GPHN: variants seen among roughly 807,000 people sequenced by gnomAD.
The protein encoded by GPHN is gephyrin.
In GPHN, 17 loss-of-function variants were observed where a neutral mutation model predicts 95.5. The observed-to-expected ratio is 0.18, with a 90% CI of 0.12 to 0.27. The LOEUF (loss-of-function observed/expected upper bound fraction) is 0.27, where lower values mean the gene tolerates loss of function less well. Among genes scored for constraint, GPHN ranks in the 10% least tolerant of loss-of-function variants. The pLI, the probability that GPHN is intolerant of heterozygous loss-of-function variation, is 1.00. For missense variants in GPHN, 660 were observed against 978.1 expected, an observed-to-expected ratio of 0.67 and a Z score of 4.34; for synonymous variants, 320 against 322.5, an observed-to-expected ratio of 0.99 and a Z score of 0.08.
intron 1 of GPHN, among the ~76,000 whole-genome samples, chr14:66,665,384 A>C (rs891903776): frequency 2.6e-5 from 4 of 152,220 alleles, no homozygotes; most frequent in Non-Finnish European, 4.4e-5. Flanking sequence ...ATCTACAAAG[A>C]ACTCAAACAA....
the GPHN span, chr14:67,203,243 G>A: frequency 6.2e-7 from 1 of 1,610,940 alleles, no homozygotes; most frequent in Non-Finnish European, 8.5e-7. Context: ...CAGAAACCCT[G>A]TTTAAAAGTC....
chr14:67,138,284 T>G (rs1010522002), intron 17 of GPHN, among the ~76,000 whole-genome samples: 1 of 152,174 alleles, frequency 6.6e-6, no homozygotes, highest in Non-Finnish European at 1.5e-5. Context: ...GTATTGTCAT[T>G]AATTATATTT....
the GPHN span, chr14:67,542,042 G>A: frequency 6.6e-7 from 1 of 1,504,782 alleles, no homozygotes; most frequent in South Asian, 1.3e-5. Flanking sequence ...AGAGGTTTAT[G>A]GCAGGGAGGG....
chr14:67,203,427 G>C, the GPHN span: 1 of 694,478 alleles, frequency 1.4e-6, no homozygotes, highest in Non-Finnish European at 2.3e-6. Flanking sequence ...AAATGACAAA[G>C]AGGAGCATCC....
chr14:67,515,484 C>A, the GPHN span: 1 of 158,312 alleles, frequency 6.3e-6, no homozygotes, highest in South Asian at 1.7e-4. Context: ...ATGCTCGCGT[C>A]TGACAGGCGC....
intron 1 of GPHN, among the ~76,000 whole-genome samples, chr14:66,513,160 T>C (rs187999706): frequency 2.0e-5 from 3 of 151,868 alleles, no homozygotes; most frequent in Non-Finnish European, 4.4e-5. Flanking sequence ...TTAGTACTAT[T>C]ATCATTGGTC....
the GPHN span, chr14:67,384,542 G>T: frequency 6.6e-6 from 1 of 151,918 alleles, no homozygotes; most frequent in Admixed American, 6.6e-5. Context: ...GATACTTGAG[G>T]TACCAGTTGT....
chr14:67,226,917 C>T, the GPHN span, among the ~76,000 whole-genome samples: 3 of 152,066 alleles, frequency 2.0e-5, no homozygotes, highest in African/African-American at 7.3e-5. Flanking sequence ...CGTGCTGGCT[C>T]CTACATCCAC....
At chr14:67,376,316 C>T in the GPHN span, 1 of 974,712 alleles carries the variant, frequency 1.0e-6, no homozygotes, top group Non-Finnish European at 1.5e-6. Context: ...TGAGTATTTC[C>T]CTATGGAGAT....
chr14:67,199,294 ACT>A, the GPHN span: 6 of 1,605,844 alleles, frequency 3.7e-6, no homozygotes, highest in Non-Finnish European at 5.1e-6. Flanking sequence ...ACATGATCAG[ACT>A]CTATGGGAAG....
the GPHN span, among the ~76,000 whole-genome samples, chr14:67,610,369 GA>G: frequency 6.6e-6 from 1 of 152,152 alleles, no homozygotes; most frequent in Non-Finnish European, 1.5e-5. Flanking sequence ...GAGGCAAGGA[GA>G]ACTGACGCCC....
chr14:67,557,379 T>C, the GPHN span: 11 of 1,613,808 alleles, frequency 6.8e-6, no homozygotes, highest in Admixed American at 1.7e-5. Context: ...AGGGCAAAGA[T>C]GAGCTCATCA....
chr14:66,990,915 G>C (rs968264014), intron 9 of GPHN, among the ~76,000 whole-genome samples: 1 of 151,708 alleles, frequency 6.6e-6, no homozygotes, highest in South Asian at 2.1e-4. Flanking sequence ...ACATCATTCA[G>C]AAGTGTGAGA....
intron 1 of GPHN, among the ~76,000 whole-genome samples, chr14:66,587,107 T>G (rs963666400): frequency 6.6e-6 from 1 of 152,008 alleles, no homozygotes; most frequent in Non-Finnish European, 1.5e-5. Flanking sequence ...CTGTGAACAG[T>G]TATACACAAA....
intron 5 of GPHN, among the ~76,000 whole-genome samples, chr14:66,890,919 A>G (rs1331909971): frequency 6.6e-6 from 1 of 152,138 alleles, no homozygotes; most frequent in Non-Finnish European, 1.5e-5. Flanking sequence ...TAGGAAAAGA[A>G]GGAAACTACC....
At chr14:67,364,501 C>A in the GPHN span, 1 of 347,552 alleles carries the variant, frequency 2.9e-6, no homozygotes, top group Non-Finnish European at 5.3e-6. Flanking sequence ...TATAGATGGT[C>A]ATTATTTTTT....
the GPHN span, among the ~76,000 whole-genome samples, chr14:67,654,103 G>A: frequency 6.6e-6 from 1 of 152,104 alleles, no homozygotes; most frequent in Non-Finnish European, 1.5e-5. Flanking sequence ...CTCTCAGCTC[G>A]TTCCTTGGCT....
chr14:66,526,291 A>G (rs916324230), intron 1 of GPHN, among the ~76,000 whole-genome samples: 2 of 151,904 alleles, frequency 1.3e-5, no homozygotes, highest in Non-Finnish European at 2.9e-5. Context: ...TTGTCTGTTA[A>G]TGGTGTATAG....
the GPHN span, among the ~76,000 whole-genome samples, chr14:67,242,972 G>A: frequency 6.6e-6 from 1 of 152,118 alleles, no homozygotes; most frequent in Non-Finnish European, 1.5e-5. Flanking sequence ...CTTGAATTAT[G>A]ATTTTGATTA....
Sources: gnomAD v4.1 joint callset for allele counts (sites outside exome capture counted in the v4.1 genomes callset) on GRCh38, gnomAD v4.1.1 for gene constraint, MANE v1.5 for transcripts, NCBI Gene and HGNC (gene_info 2026-07-23, HGNC 2026-07-21) for gene names.